CFAP47: variants seen among roughly 807,000 people sequenced by gnomAD.
CFAP47 encodes cilia- and flagella-associated protein 47.
CFAP47 carries 29 observed loss-of-function variants against 148.1 expected under a neutral mutation model. That is an observed-to-expected ratio of 0.20 (90% confidence interval 0.15 to 0.27). The LOEUF (loss-of-function observed/expected upper bound fraction) is 0.27. Among genes scored for constraint, CFAP47 ranks in the 10% least tolerant of loss-of-function variants. The probability of loss-of-function intolerance (pLI) is 1.00; values close to 1 mark genes in which losing one functional copy is unlikely to be tolerated. For synonymous variants in CFAP47, 664 were observed against 577.3 expected, an observed-to-expected ratio of 1.15 and a Z score of -2.15; for missense variants, 1,872 against 1,697.5, an observed-to-expected ratio of 1.10 and a Z score of -1.81.
chrX:36,093,010 T>G (rs1160801272), intron 30 of CFAP47, among the ~76,000 whole-genome samples: 1 of 111,095 alleles, frequency 9.0e-6, no homozygotes, highest in African/African-American at 3.3e-5. Context: ...ACATCTGACT[T>G]TGGTCTTTCT....
chrX:36,213,220 T>C (rs1325915997), intron 45 of CFAP47, among the ~76,000 whole-genome samples: 1 of 111,995 alleles, frequency 8.9e-6, no homozygotes, highest in East Asian at 2.8e-4. Flanking sequence ...AATTGCTGTA[T>C]CTTCTTAAAT....
chrX:36,212,401 A>G (rs1940112179), intron 45 of CFAP47, among the ~76,000 whole-genome samples: 1 of 111,271 alleles, frequency 9.0e-6, no homozygotes, highest in African/African-American at 3.3e-5. Flanking sequence ...CCAACCACAA[A>G]TGGATTTTAG....
At chrX:35,995,371 T>C (rs1336174592) in intron 18 of CFAP47, among the ~76,000 whole-genome samples, 2 of 111,750 alleles carry the variant, frequency 1.8e-5, no homozygotes, top group African/African-American at 6.5e-5. Context: ...GAGTTTTAAC[T>C]ACGGGGATTT....
At chrX:35,944,324 C>G (rs968975468) in intron 3 of CFAP47, among the ~76,000 whole-genome samples, 1 of 111,113 alleles carries the variant, frequency 9.0e-6, no homozygotes, top group Non-Finnish European at 1.9e-5. Flanking sequence ...ATATATTCTT[C>G]ATGCATAACA....
At chrX:36,042,654 C>T (rs1310280860) in intron 25 of CFAP47, among the ~76,000 whole-genome samples, 1 of 110,583 alleles carries the variant, frequency 9.0e-6, no homozygotes, top group Non-Finnish European at 1.9e-5. Flanking sequence ...GTTAAATACG[C>T]CTGTATTCAA....
chrX:35,928,225 A>G (rs1009369789), intron 2 of CFAP47, among the ~76,000 whole-genome samples: 3 of 110,657 alleles, frequency 2.7e-5, no homozygotes, highest in African/African-American at 9.8e-5. Context: ...AGAAAATCCC[A>G]AATTGCTTTT....
At chrX:36,204,674 G>A (rs1237927864) in intron 44 of CFAP47, among the ~76,000 whole-genome samples, 2 of 111,670 alleles carry the variant, frequency 1.8e-5, no homozygotes, top group African/African-American at 6.5e-5. Context: ...TCAAATGCTG[G>A]TCAGCGGTGG....
At chrX:36,296,709 G>T (rs1158708892) in intron 51 of CFAP47, among the ~76,000 whole-genome samples, 1 of 111,999 alleles carries the variant, frequency 8.9e-6, no homozygotes, top group Non-Finnish European at 1.9e-5. Context: ...CTGAGTAGTA[G>T]ACCAGGACAA....
intron 33 of CFAP47, among the ~76,000 whole-genome samples, chrX:36,115,008 A>G (rs1367078890): frequency 2.7e-5 from 3 of 111,376 alleles, no homozygotes; most frequent in African/African-American, 9.8e-5. Context: ...CTGCATTTAA[A>G]TTTTATAGTA....
chrX:35,935,570 C>CTT (rs200513683), intron 2 of CFAP47, among the ~76,000 whole-genome samples: 6,163 of 89,359 alleles, frequency 0.069, 611 homozygotes, highest in African/African-American at 0.24. Context: ...TACGAAGTTG[C>CTT]TTTTTTTTTT....
At chrX:36,059,308 G>A (rs1346566778) in intron 26 of CFAP47, among the ~76,000 whole-genome samples, 1 of 111,648 alleles carries the variant, frequency 9.0e-6, no homozygotes, top group African/African-American at 3.3e-5. Flanking sequence ...TTCTTGGAAT[G>A]AAAATAACAA....
At chrX:36,231,707 GCTT>G (rs1250526477) in intron 46 of CFAP47, among the ~76,000 whole-genome samples, 1 of 111,301 alleles carries the variant, frequency 9.0e-6, no homozygotes, top group Non-Finnish European at 1.9e-5. Flanking sequence ...CAAAGGGAAT[GCTT>G]CCAGTTTTTG....
chrX:35,952,115 A>G, intron 6 of CFAP47, 152 bp downstream of exon 6: 1 of 509,518 alleles, frequency 2.0e-6, no homozygotes, highest in Non-Finnish European at 2.9e-6. Context: ...TGTTTCTAAC[A>G]TGGTTAGTAA....
rs1265402107 is a variant in CFAP47, at chrX:36,235,853, A to T, written c.7015-81A>T. The T allele has an allele frequency of 7.4e-6, 3 of 407,090 alleles. No homozygotes were observed. The African/African-American group carries it at 7.6e-5, about 10-fold the overall frequency. 33.5% of individuals were successfully genotyped at this position (407,090 alleles called of 1,213,427 possible). On this transcript the variant is annotated intron_variant, in intron 46 of 63. Transcript: ENST00000378653. ...TTAAAAATACAATATATAATGCTAT[A>T]GAAATTACCAAGAATTCATATGTAA...
At chrX:36,002,289 A>G (rs1317977084) in intron 21 of CFAP47, among the ~76,000 whole-genome samples, 1 of 111,073 alleles carries the variant, frequency 9.0e-6, no homozygotes, top group African/African-American at 3.3e-5. Context: ...CCAACGAGAG[A>G]GCTTCTCTCT....
intron 40 of CFAP47, among the ~76,000 whole-genome samples, chrX:36,183,915 C>A (rs1939778229): frequency 9.0e-6 from 1 of 111,217 alleles, no homozygotes; most frequent in African/African-American, 3.3e-5. Context: ...GTTATAAGAC[C>A]TGCTGTGTTT....
At chrX:36,349,667 T>A (rs1171279102) in intron 58 of CFAP47, among the ~76,000 whole-genome samples, 1 of 111,951 alleles carries the variant, frequency 8.9e-6, no homozygotes, top group Non-Finnish European at 1.9e-5. Context: ...CAAAAGTAAA[T>A]GCCTCACAAA....
intron 2 of CFAP47, among the ~76,000 whole-genome samples, chrX:35,931,930 A>AC (rs1935831834): frequency 9.0e-6 from 1 of 110,896 alleles, no homozygotes; most frequent in African/African-American, 3.3e-5. Flanking sequence ...AGCTGATTGT[A>AC]TGTAGCTAGT....
At chrX:36,192,915 G>A (rs1939880778) in intron 42 of CFAP47, among the ~76,000 whole-genome samples, 2 of 111,990 alleles carry the variant, frequency 1.8e-5, no homozygotes, top group African/African-American at 6.5e-5. Flanking sequence ...CAAGTTGGAG[G>A]TTAACAGGGA....
Sources: gnomAD v4.1 joint callset for allele counts (sites outside exome capture counted in the v4.1 genomes callset) on GRCh38, gnomAD v4.1.1 for gene constraint, MANE v1.5 for transcripts, NCBI Gene and HGNC (gene_info 2026-07-23, HGNC 2026-07-21) for gene names.